COG6: variants seen among roughly 807,000 people sequenced by gnomAD.
The protein encoded by COG6 is component of oligomeric golgi complex 6, also known as conserved oligomeric Golgi complex subunit 6.
COG6 carries 74 observed loss-of-function variants against 88.8 expected under a neutral mutation model. The ratio of observed to expected loss-of-function variants is 0.83; its 90% CI spans 0.69 to 1.01. The LOEUF is 1.01. Among genes scored for constraint, COG6 ranks in the 50% least tolerant of loss-of-function variants. COG6 has a pLI of 0.00. For missense variants in COG6, 800 were observed against 797.9 expected (o/e 1.00, Z -0.03); for synonymous variants, 286 against 278.7 (o/e 1.03, Z -0.26).
Position 39,727,538 on chromosome 13 carries a change from G to A in COG6, c.1816G>A (p.Ala606Thr), listed in dbSNP as rs756230993. 1.4e-5 allele frequency: 23 copies of A among 1,611,810 alleles called. No homozygotes were observed. The highest frequency in any genetic ancestry group is 1.7e-4 in the Middle Eastern group (1 of 6,052). ...LIPQLNFLLS[A>T]TVKEQIVKQS... ...ACCACAGCTGAACTTTCTTCTAAGT[G>A]CCACAGTGAAGTAAGTATTTTTGGT... The change falls in exon 18 of 19, where the codon GCC becomes ACC. Residue 606 changes from alanine to threonine, a missense_variant. Coordinates refer to ENST00000455146, the MANE Select transcript of COG6 (RefSeq NM_020751.3).
chr13:39,655,973 C>A, intron 1 of COG6, 94 bp downstream of exon 1: 1 of 1,466,910 alleles, frequency 6.8e-7, no homozygotes, highest in Non-Finnish European at 9.3e-7. Context: ...CGGTCTCCCT[C>A]GTCCCGGCAG....
chr13:39,750,388 T>A (rs1880559398), intron 18 of COG6, among the ~76,000 whole-genome samples: 1 of 152,206 alleles, frequency 6.6e-6, no homozygotes, highest in South Asian at 2.1e-4. Flanking sequence ...TAGAAATGTA[T>A]ATTTGTGAGA....
At chr13:39,664,322 A>G (rs993728205) in intron 3 of COG6, among the ~76,000 whole-genome samples, 47 of 152,148 alleles carry the variant, frequency 3.1e-4, no homozygotes, top group African/African-American at 1.1e-3. Flanking sequence ...GGCTCATTTA[A>G]TATTTCTTCA....
chr13:39,707,238 C>T (rs1424551530), intron 13 of COG6, among the ~76,000 whole-genome samples: 1 of 151,604 alleles, frequency 6.6e-6, no homozygotes, highest in Non-Finnish European at 1.5e-5. Context: ...AAGTGATTCT[C>T]CTGCCTCAGC....
At chr13:39,699,074 A>T (rs996919035) in intron 12 of COG6, among the ~76,000 whole-genome samples, 1 of 151,868 alleles carries the variant, frequency 6.6e-6, no homozygotes, top group Non-Finnish European at 1.5e-5. Flanking sequence ...AACAGTTTTA[A>T]TTAAAAGAAT....
At chr13:39,724,464 T>A in intron 16 of COG6, 44 bp from the exon 17 acceptor site, 1 of 1,443,842 alleles carries the variant, frequency 6.9e-7, no homozygotes, top group Non-Finnish European at 9.6e-7. Context: ...TATATCTCCT[T>A]TTTTACATCT....
intron 8 of COG6, among the ~76,000 whole-genome samples, chr13:39,685,113 TTTC>T (rs1436662714): frequency 1.3e-5 from 2 of 152,180 alleles, no homozygotes; most frequent in Non-Finnish European, 2.9e-5. Flanking sequence ...GATAAAAATT[TTTC>T]TTCTTTTAAT....
intron 17 of COG6, among the ~76,000 whole-genome samples, chr13:39,725,405 C>T (rs540156891): frequency 1.3e-5 from 2 of 151,996 alleles, no homozygotes; most frequent in Non-Finnish European, 2.9e-5. Context: ...CACGTATACT[C>T]ACTACCACAA....
chr13:39,767,582 G>A (rs951312649), intron 18 of COG6, among the ~76,000 whole-genome samples: 1 of 152,160 alleles, frequency 6.6e-6, no homozygotes, highest in African/African-American at 2.4e-5. Context: ...CTCTCTGTGT[G>A]TGTTAGTGGT....
chr13:39,732,434 A>G (rs1879506206), intron 18 of COG6, among the ~76,000 whole-genome samples: 1 of 152,244 alleles, frequency 6.6e-6, no homozygotes, highest in Non-Finnish European at 1.5e-5. Flanking sequence ...AACCTAGAGA[A>G]AAAAATCAGT....
intron 14 of COG6, 86 bp downstream of exon 14, chr13:39,719,453 A>T (rs1025570321): frequency 3.0e-6 from 4 of 1,350,706 alleles, no homozygotes; most frequent in Non-Finnish European, 3.1e-6. Flanking sequence ...TAATTCATAT[A>T]CTTTGACAGT....
chr13:39,732,306 C>T (rs539664917), intron 18 of COG6, among the ~76,000 whole-genome samples: 12 of 152,206 alleles, frequency 7.9e-5, no homozygotes, highest in African/African-American at 2.4e-4. Flanking sequence ...AACTGCCTTC[C>T]GGAACAAAAC....
chr13:39,710,286 C>T (rs1025584275), intron 13 of COG6, among the ~76,000 whole-genome samples: 7 of 151,944 alleles, frequency 4.6e-5, no homozygotes, highest in African/African-American at 1.2e-4. Flanking sequence ...TTTTATTTTA[C>T]ACATATGTAT....
chr13:39,714,534 A>T (rs897848899), intron 13 of COG6, among the ~76,000 whole-genome samples: 14 of 152,270 alleles, frequency 9.2e-5, no homozygotes, highest in African/African-American at 3.1e-4. Context: ...GCTCAACATC[A>T]CTAATCAAGG....
intron 1 of COG6, among the ~76,000 whole-genome samples, chr13:39,657,726 G>C (rs145081968): frequency 1.5e-4 from 23 of 152,284 alleles, no homozygotes; most frequent in African/African-American, 5.1e-4. Context: ...TATATCTGCA[G>C]AATTTAGTGT....
chr13:39,750,087 A>T (rs1425399143), intron 18 of COG6, among the ~76,000 whole-genome samples: 3 of 152,190 alleles, frequency 2.0e-5, no homozygotes, highest in Admixed American at 6.5e-5. Flanking sequence ...CAAGAAAAGG[A>T]GGTGTGGAAG....
chr13:39,661,981 C>A (rs1004535241), intron 3 of COG6, among the ~76,000 whole-genome samples: 1 of 151,572 alleles, frequency 6.6e-6, no homozygotes, highest in Non-Finnish European at 1.5e-5. Flanking sequence ...GATAGTATCT[C>A]TTATTTTTTA....
At position 39,687,766 on chromosome 13, in the gene COG6, C is replaced by T; in HGVS notation, c.976C>T (p.Leu326Phe). 6.2e-7 allele frequency: 1 copy of T among 1,613,920 alleles called. No homozygotes were observed. Among genetic ancestry groups the T allele is most frequent in the Non-Finnish European group, 8.5e-7 (1 of 1,179,878 alleles). The part of the protein sequence containing the change: ...HQATASEKEH[L>F]EALLKHVTTQ... The stretch of plus-strand genomic sequence containing the variant: ...AGCTACTGCTTCTGAAAAGGAACAC[C>T]TTGAAGCTCTCTTAAAGCATGTAAC... Residue 326 changes from leucine to phenylalanine, a missense_variant, in exon 10 of 19, where the codon CTT becomes TTT. Physicochemically the swap from Leu to Phe is conservative, Grantham distance 22. Transcript: ENST00000455146.
intron 10 of COG6, 103 bp downstream of exon 10, chr13:39,687,902 G>C: frequency 2.5e-6 from 2 of 789,708 alleles, no homozygotes; most frequent in Non-Finnish European, 4.3e-6. Flanking sequence ...TAAACACCTT[G>C]ATGGTACAAT....
Sources: allele counts gnomAD v4.1 joint callset (sites outside exome capture counted in the v4.1 genomes callset), GRCh38; gene constraint gnomAD v4.1.1; transcripts MANE v1.5; gene names NCBI Gene and HGNC (gene_info 2026-07-23, HGNC 2026-07-21).